The following ZNF831 variants were observed in gnomAD, a reference collection of about 807,000 sequenced individuals.
ZNF831 encodes chromosome 20 open reading frame 174.
ZNF831 carries 59 observed loss-of-function variants against 95.8 expected under a neutral mutation model. The observed-to-expected ratio is 0.62, with a 90% CI of 0.50 to 0.77. The LOEUF is 0.77. Ranked by LOEUF, ZNF831 falls within the 30% of genes least tolerant of loss-of-function variation. ZNF831 has a pLI of 0.00. For synonymous variants in ZNF831, 961 were observed against 925.5 expected, an observed-to-expected ratio of 1.04 and a Z score of -0.70; for missense variants, 2,205 against 2,164.0, an observed-to-expected ratio of 1.02 and a Z score of -0.38.
chr20:59,146,613 C>G (rs778322592), intron 2 of ZNF831: 2 of 152,302 alleles, frequency 1.3e-5, no homozygotes, highest in Non-Finnish European at 2.9e-5. Context: ...TTCAGCACAG[C>G]CTTGTAAACC....
chr20:59,176,266 G>A (rs984014274), intron 1 of ZNF831, among the ~76,000 whole-genome samples: 3 of 152,214 alleles, frequency 2.0e-5, no homozygotes, highest in Non-Finnish European at 4.4e-5. Flanking sequence ...TTCTGGAAAA[G>A]ACAAACTTAT....
intron 1 of ZNF831, among the ~76,000 whole-genome samples, chr20:59,131,005 G>GT (rs1185343581): frequency 2.0e-5 from 3 of 152,176 alleles, no homozygotes; most frequent in Admixed American, 2.0e-4. Flanking sequence ...GTGGTGCATG[G>GT]TAGGTGCTCA....
chr20:59,156,816 C>G (rs530230331), intron 2 of ZNF831, among the ~76,000 whole-genome samples: 9 of 152,310 alleles, frequency 5.9e-5, no homozygotes, highest in African/African-American at 2.2e-4. Flanking sequence ...CTCTGGGCCC[C>G]TCTGTGTTGT....
intron 1 of ZNF831, among the ~76,000 whole-genome samples, chr20:59,184,419 T>TA (rs1479043636): frequency 1.3e-5 from 2 of 152,030 alleles, no homozygotes; most frequent in African/African-American, 4.8e-5. Context: ...CCTTTTTTTT[T>TA]ACTTTCTGAA....
chr20:59,125,621 G>A (rs1293163764), intron 1 of ZNF831, among the ~76,000 whole-genome samples: 1 of 152,186 alleles, frequency 6.6e-6, no homozygotes, highest in Non-Finnish European at 1.5e-5. Flanking sequence ...CAGAGTAGGA[G>A]GTGTTAGCTA....
intron 1 of ZNF831, among the ~76,000 whole-genome samples, chr20:59,138,848 G>A (rs1979589370): frequency 6.6e-6 from 1 of 152,200 alleles, no homozygotes; most frequent in East Asian, 1.9e-4. Context: ...GCTTGATTCT[G>A]CAGCATGATC....
At chr20:59,205,639 C>T (rs898932418) in intron 3 of ZNF831, among the ~76,000 whole-genome samples, 10 of 152,238 alleles carry the variant, frequency 6.6e-5, no homozygotes, top group Admixed American at 2.6e-4. Context: ...TGGATCTTGG[C>T]GGTGGCTCAG....
intron 1 of ZNF831, among the ~76,000 whole-genome samples, chr20:59,186,017 C>T (rs965844969): frequency 3.3e-5 from 5 of 152,214 alleles, no homozygotes; most frequent in African/African-American, 1.2e-4. Flanking sequence ...GAGCCTACCC[C>T]GTGCATTCAT....
Position 59,192,462 on chromosome 20 carries a change from G to C in ZNF831, c.1443G>C (p.Arg481=). The C allele has an allele frequency of 6.3e-7, 1 of 1,595,278 alleles. No individual in the cohort carries two copies. Among genetic ancestry groups the C allele is most frequent in the Non-Finnish European group, 8.5e-7 (1 of 1,171,584 alleles). The change falls in exon 2 of 6, where the codon CGG becomes CGC. Residue 481 remains arginine (R), a synonymous_variant. Transcript: ENST00000371030. The surrounding 1 kb of genome is among the most constrained non-coding windows in gnomAD (Gnocchi z 5.2). The part of the protein sequence containing the change: ...RSTWTPPDKS[R]PLFFHSVPTQ... The stretch of plus-strand genomic sequence containing the variant: ...CCTGGACGCCCCCAGACAAGTCTCG[G>C]CCCCTCTTCTTCCACTCCGTCCCCA...
At chr20:59,212,963 G>A (rs1383611989) in intron 4 of ZNF831, among the ~76,000 whole-genome samples, 3 of 152,244 alleles carry the variant, frequency 2.0e-5, no homozygotes. Flanking sequence ...ACCATTGGCA[G>A]CCTGCTGATT....
chr20:59,243,329 T>G (rs1568792730), intron 4 of ZNF831, among the ~76,000 whole-genome samples: 1 of 152,242 alleles, frequency 6.6e-6, no homozygotes, highest in Non-Finnish European at 1.5e-5. Context: ...CTCAGACAGG[T>G]ACTTTTAGAG....
intron 1 of ZNF831, among the ~76,000 whole-genome samples, chr20:59,179,825 C>T (rs915487493): frequency 1.4e-4 from 21 of 152,226 alleles, no homozygotes; most frequent in African/African-American, 3.1e-4. Context: ...AGGTCCCAAT[C>T]GCAGGTAGTA....
At position 59,247,534 on chromosome 20, in the gene ZNF831, A is replaced by AGG. The variant is rs1987677401; in HGVS notation, c.4028-5444_4028-5443insGG. Among the ~76,000 whole-genome samples, 3 of 152,362 alleles carry AGG rather than the reference A, an allele frequency of 2.0e-5. No homozygotes were observed. In the East Asian group the frequency reaches 5.8e-4, roughly 29 times the overall value. On this transcript the variant is annotated intron_variant, in intron 4 of 5. Transcript: ENST00000371030. ...AGGCTTAAAAATATTTGAATAAATAACTGTCCACAAAGTTATTACTTTTAG... is the reference window on the plus strand; with the variant it reads ...AGGCTTAAAAATATTTGAATAAATAAGGCTGTCCACAAAGTTATTACTTTTAG...
At chr20:59,190,289 G>A (rs569824446) in intron 1 of ZNF831, among the ~76,000 whole-genome samples, 19 of 152,354 alleles carry the variant, frequency 1.2e-4, no homozygotes, top group South Asian at 1.0e-3. Flanking sequence ...AGCATGGCAC[G>A]TGTGAGATTT....
At chr20:59,228,823 T>G (rs879054647) in intron 4 of ZNF831, among the ~76,000 whole-genome samples, 1 of 152,236 alleles carries the variant, frequency 6.6e-6, no homozygotes, top group Admixed American at 6.5e-5. Flanking sequence ...TTGGGAACAT[T>G]ATAAATCTTC....
In ZNF831 at chr20:59,253,887, C is replaced by CTTTT; in HGVS notation, c.4189-8_4189-7insTTTT. ...CCCCCCACTTTTTTTTTCCTTTGCA[C>CTTTT]TTTGTTGCAGGATATTTCTCCATCT... On this transcript the variant is annotated splice_polypyrimidine_tract_variant and intron_variant, in intron 5 of 5. Transcript: ENST00000371030. 2.5e-6 allele frequency: 2 copies of CTTTT among 784,978 alleles called. No homozygotes were observed. The highest frequency in any genetic ancestry group is 6.6e-5 in the East Asian group (1 of 15,096). The allele number at this position is 784,978 out of a possible 1,614,324, so 48.6% of individuals were successfully genotyped here. A position where few individuals can be genotyped will look rare whatever the true frequency, so the allele number is the denominator to read the frequency against.
intron 4 of ZNF831, among the ~76,000 whole-genome samples, chr20:59,230,422 A>T (rs886756073): frequency 6.6e-6 from 1 of 152,260 alleles, no homozygotes; most frequent in South Asian, 2.1e-4. Flanking sequence ...CAGTGAGCTG[A>T]TATCAAGCCA....
At chr20:59,181,824 G>A (rs2146519914) in intron 1 of ZNF831, among the ~76,000 whole-genome samples, 1 of 151,230 alleles carries the variant, frequency 6.6e-6, no homozygotes, top group East Asian at 1.9e-4. Context: ...TAGCTTGATG[G>A]GAATAACATT....
chr20:59,134,473 G>A (rs184386835), intron 1 of ZNF831, among the ~76,000 whole-genome samples: 13 of 152,268 alleles, frequency 8.5e-5, no homozygotes, highest in South Asian at 6.2e-4. Flanking sequence ...TTCTTTATCC[G>A]CTTTTCTCTC....
Sources: allele counts gnomAD v4.1 joint callset (sites outside exome capture counted in the v4.1 genomes callset), GRCh38; gene constraint gnomAD v4.1.1; non-coding constraint Gnocchi (gnomAD v3.1); transcripts MANE v1.5; gene names NCBI Gene and HGNC (gene_info 2026-07-23, HGNC 2026-07-21).